Variants in TMLHE observed in about 807,000 individuals in gnomAD.
TMLHE encodes trimethyllysine hydroxylase, epsilon.
In TMLHE, 18 loss-of-function variants were observed where a neutral mutation model predicts 25.7. The observed-to-expected ratio is 0.70, with a 90% CI of 0.48 to 1.04. The LOEUF is 1.04. TMLHE is among the 50% of genes least tolerant of loss of function. The probability of loss-of-function intolerance (pLI) is 0.00; values close to 1 mark genes in which losing one functional copy is unlikely to be tolerated. For synonymous variants in TMLHE, 105 were observed against 97.0 expected (o/e 1.08, Z -0.49); for missense variants, 236 against 259.0 (o/e 0.91, Z 0.61).
intron 1 of TMLHE, among the ~76,000 whole-genome samples, chrX:155,549,672 G>C (rs2067399011): frequency 9.1e-6 from 1 of 109,643 alleles, no homozygotes; most frequent in Non-Finnish European, 1.9e-5. Flanking sequence ...GGAATACATG[G>C]TCTGGTGTGT....
intron 2 of TMLHE, among the ~76,000 whole-genome samples, chrX:155,535,283 G>T (rs1314758679): frequency 2.3e-4 from 26 of 112,205 alleles, no homozygotes; most frequent in Middle Eastern, 4.2e-3. Context: ...AATTATAATA[G>T]ACTGGGTAGC....
chrX:155,603,369 T>TGAATGAAAGAAAGAAAGAAAGAAAGAAA (rs1341300723), intron 1 of TMLHE, among the ~76,000 whole-genome samples: 1 of 99,288 alleles, frequency 1.0e-5, no homozygotes, highest in African/African-American at 3.9e-5. Flanking sequence ...AAAGAAAGAA[T>TGAATGAAAGAAAGAAAGAAAGAAAGAAA]GAAAGAAAGA....
chrX:155,549,493 T>C (rs1489267349), intron 1 of TMLHE, among the ~76,000 whole-genome samples: 2 of 110,957 alleles, frequency 1.8e-5, no homozygotes, highest in Non-Finnish European at 1.9e-5. Flanking sequence ...TTATGGCTTG[T>C]TGCTTTATTC....
At chrX:155,527,495 G>T (rs2067226563) in intron 2 of TMLHE, among the ~76,000 whole-genome samples, 1 of 111,691 alleles carries the variant, frequency 9.0e-6, no homozygotes. Context: ...TTATGGCAGT[G>T]TGAGAACAGG....
chrX:155,561,528 TCAAACC>T (rs2067496604), intron 1 of TMLHE, among the ~76,000 whole-genome samples: 1 of 61,311 alleles, frequency 1.6e-5, no homozygotes, highest in African/African-American at 3.6e-5. Context: ...TTTTCACATT[TCAAACC>T]CAATCATGCC....
At chrX:155,600,673 G>A (rs782156001) in intron 1 of TMLHE, among the ~76,000 whole-genome samples, 4 of 112,034 alleles carry the variant, frequency 3.6e-5, no homozygotes, top group Admixed American at 9.5e-5. Flanking sequence ...CTTTAAATAA[G>A]GTCCTACATA....
At chrX:155,510,232 T>TATTTTA (rs2067098670) in intron 5 of TMLHE, among the ~76,000 whole-genome samples, 1 of 99,186 alleles carries the variant, frequency 1.0e-5, no homozygotes, top group Non-Finnish European at 2.0e-5. Context: ...ATGAGTTTTC[T>TATTTTA]TTTTATTTTA....
chrX:155,546,744 A>T (rs1557338728), intron 1 of TMLHE, among the ~76,000 whole-genome samples: 1 of 111,737 alleles, frequency 8.9e-6, no homozygotes. Flanking sequence ...AGAGGAGAGC[A>T]CAGAAACTCC....
At position 155,574,192 on chromosome X, in the gene TMLHE, G is replaced by A. The variant is rs183934177; in HGVS notation, c.-1-28915C>T. ...GCAAGAAATTTAACAGGGATATCCA[G>A]GTAATGAGACAGCCAAAGTAGGCCT... On this transcript the variant is annotated intron_variant, in intron 1 of 7. Coordinates refer to ENST00000334398, the MANE Select transcript of TMLHE (RefSeq NM_018196.4). Among the ~76,000 whole-genome samples, 289 of 108,137 alleles carry A rather than the reference G, an allele frequency of 2.7e-3. 30 individuals carry two copies. Among genetic ancestry groups the A allele is most frequent in the African/African-American group, 9.5e-3 (263 of 27,737 alleles). 93.9% of individuals were successfully genotyped at this position (108,137 alleles called of 115,157 possible). A position where few individuals can be genotyped will look rare whatever the true frequency, so the allele number is the denominator to read the frequency against.
chrX:155,559,411 C>T (rs1382945588), intron 1 of TMLHE, among the ~76,000 whole-genome samples: 1 of 111,010 alleles, frequency 9.0e-6, no homozygotes, highest in Non-Finnish European at 1.9e-5. Context: ...TGTAAAACTT[C>T]CTATGTGGCC....
At chrX:155,568,790 A>G (rs1178993134) in intron 1 of TMLHE, among the ~76,000 whole-genome samples, 2 of 61,552 alleles carry the variant, frequency 3.2e-5, no homozygotes, top group African/African-American at 7.3e-5. Flanking sequence ...TGTTAGAAGG[A>G]AAACTAACAA....
intron 1 of TMLHE, among the ~76,000 whole-genome samples, chrX:155,597,298 A>G (rs1350982393): frequency 9.0e-6 from 1 of 110,846 alleles, no homozygotes; most frequent in Non-Finnish European, 1.9e-5. Context: ...ACAATGAGAT[A>G]CCATCTCACA....
chrX:155,602,865 C>CA (rs1264200496), intron 1 of TMLHE, among the ~76,000 whole-genome samples: 1 of 111,831 alleles, frequency 8.9e-6, no homozygotes, highest in African/African-American at 3.3e-5. Context: ...ATAAATGTAA[C>CA]AAAAAAGTAA....
intron 5 of TMLHE, among the ~76,000 whole-genome samples, chrX:155,510,878 T>C (rs962263949): frequency 5.8e-4 from 61 of 104,813 alleles, no homozygotes; most frequent in African/African-American, 2.0e-3. Flanking sequence ...AGTGTAAAAG[T>C]GTTCCTATTT....
intron 1 of TMLHE, among the ~76,000 whole-genome samples, chrX:155,598,373 T>TA (rs2067735542): frequency 9.1e-6 from 1 of 109,695 alleles, no homozygotes; most frequent in Non-Finnish European, 1.9e-5. Context: ...TATGCAGCCA[T>TA]AAAAAATGAT....
chrX:155,543,358 A>G (rs1219172543), intron 2 of TMLHE, among the ~76,000 whole-genome samples: 13 of 112,056 alleles, frequency 1.2e-4, no homozygotes, highest in Non-Finnish European at 1.1e-4. Context: ...ATCAACATAC[A>G]AAAATCATTA....
chrX:155,548,512 G>A (rs1557339302), intron 1 of TMLHE, among the ~76,000 whole-genome samples: 2 of 108,269 alleles, frequency 1.8e-5, no homozygotes, highest in Admixed American at 9.6e-5. Flanking sequence ...AAGGCGGGCG[G>A]ATCACAAGGT....
At position 155,562,747 on chromosome X, in the gene TMLHE, T is replaced by G. The variant is rs1374067651; in HGVS notation, c.-1-17470A>C. Reference sequence around the variant, plus strand: ...ATGCTGTTAGGAACAGCCAGGTTACTTCTTGAACACTTTGCTGCTTAGAAA... The same window carrying G: ...ATGCTGTTAGGAACAGCCAGGTTACGTCTTGAACACTTTGCTGCTTAGAAA... On this transcript the variant is annotated intron_variant, in intron 1 of 7. Transcript: ENST00000334398. Among the ~76,000 whole-genome samples the G allele has an allele frequency of 3.2e-5, 2 of 62,115 alleles. 1 individual carries two copies. The highest frequency in any genetic ancestry group is 9.0e-5 in the Non-Finnish European group (2 of 22,128). The allele number at this position is 62,115 out of a possible 115,157, so 53.9% of individuals were successfully genotyped here. A position where few individuals can be genotyped will look rare whatever the true frequency, so the allele number is the denominator to read the frequency against.
intron 2 of TMLHE, among the ~76,000 whole-genome samples, chrX:155,542,624 C>G (rs1340462634): frequency 8.9e-6 from 1 of 111,780 alleles, no homozygotes; most frequent in African/African-American, 3.2e-5. Context: ...TGCAACAAAG[C>G]AACAGTAATC....
Sources: gnomAD v4.1 joint callset for allele counts (sites outside exome capture counted in the v4.1 genomes callset) on GRCh38, gnomAD v4.1.1 for gene constraint, MANE v1.5 for transcripts, NCBI Gene and HGNC (gene_info 2026-07-23, HGNC 2026-07-21) for gene names.